The following HHAT variants were observed in gnomAD, a reference collection of about 807,000 sequenced individuals.
HHAT encodes protein-cysteine N-palmitoyltransferase HHAT.
In HHAT, 47 loss-of-function variants were observed where a neutral mutation model predicts 70.8. The ratio of observed to expected loss-of-function variants is 0.66; its 90% CI spans 0.53 to 0.85. HHAT has a LOEUF of 0.85. Ranked by LOEUF, HHAT falls within the 40% of genes least tolerant of loss-of-function variation. The pLI is 0.00. For synonymous variants in HHAT, 228 were observed against 247.6 expected (o/e 0.92, Z 0.74); for missense variants, 609 against 604.8 (o/e 1.01, Z -0.07).
chr1:210,567,998 G>GTGGC (rs1655186414), intron 9 of HHAT, among the ~76,000 whole-genome samples: 1 of 152,206 alleles, frequency 6.6e-6, no homozygotes, highest in South Asian at 2.1e-4. Flanking sequence ...GAGTTGACTG[G>GTGGC]TGGCTGGCAG....
At chr1:210,481,426 A>G (rs1325386359) in intron 8 of HHAT, among the ~76,000 whole-genome samples, 3 of 152,160 alleles carry the variant, frequency 2.0e-5, no homozygotes, top group Non-Finnish European at 2.9e-5. Flanking sequence ...TGTTTTCTCC[A>G]TAAGGCTCAT....
At chr1:210,621,489 C>A (rs1668820308) in intron 10 of HHAT, among the ~76,000 whole-genome samples, 1 of 152,204 alleles carries the variant, frequency 6.6e-6, no homozygotes, top group Admixed American at 6.5e-5. Context: ...TGTCTCCCAA[C>A]TTCCTCTCAC....
intron 11 of HHAT, among the ~76,000 whole-genome samples, chr1:210,631,675 G>T (rs1670893039): frequency 6.6e-6 from 1 of 152,084 alleles, no homozygotes; most frequent in Non-Finnish European, 1.5e-5. Context: ...AGAGCTGAGG[G>T]CCTGTGACTG....
intron 3 of HHAT, among the ~76,000 whole-genome samples, chr1:210,379,180 G>A (rs2090448804): frequency 6.6e-6 from 1 of 152,190 alleles, no homozygotes; most frequent in African/African-American, 2.4e-5. Context: ...TGAACTGACT[G>A]GACCCCAGAA....
intron 9 of HHAT, among the ~76,000 whole-genome samples, chr1:210,575,507 CCCT>C (rs1251554178): frequency 6.6e-6 from 1 of 152,050 alleles, no homozygotes; most frequent in Non-Finnish European, 1.5e-5. Context: ...GGCCTGGGAG[CCCT>C]GGGGATGCTG....
At chr1:210,518,014 G>T (rs1214328325) in intron 9 of HHAT, among the ~76,000 whole-genome samples, 2 of 152,066 alleles carry the variant, frequency 1.3e-5, no homozygotes, top group Admixed American at 1.3e-4. Flanking sequence ...TTGACGTTTT[G>T]ATGTATCTAT....
At chr1:210,382,254 G>A (rs190622787) in intron 3 of HHAT, among the ~76,000 whole-genome samples, 3 of 152,212 alleles carry the variant, frequency 2.0e-5, no homozygotes, top group Admixed American at 6.5e-5. Flanking sequence ...TTCTCCACGG[G>A]TGGGTGACAA....
At chr1:210,462,474 A>G (rs1469886878) in intron 7 of HHAT, 1 of 152,196 alleles carries the variant, frequency 6.6e-6, no homozygotes, top group Non-Finnish European at 1.5e-5. Flanking sequence ...GAGTGATCAC[A>G]TGCCCTTCAA....
chr1:210,530,262 C>T (rs1029519057), intron 9 of HHAT, among the ~76,000 whole-genome samples: 18 of 151,984 alleles, frequency 1.2e-4, no homozygotes, highest in Admixed American at 1.0e-3. Context: ...GATCTTAGCA[C>T]ATTTGAAATG....
intron 8 of HHAT, among the ~76,000 whole-genome samples, chr1:210,473,122 A>G (rs1446165444): frequency 1.3e-5 from 2 of 152,236 alleles, no homozygotes; most frequent in African/African-American, 4.8e-5. Context: ...TTCCCCTGCA[A>G]GAGACAGCTT....
chr1:210,509,814 C>T (rs2094924636), intron 8 of HHAT, among the ~76,000 whole-genome samples: 1 of 152,176 alleles, frequency 6.6e-6, no homozygotes, highest in South Asian at 2.1e-4. Context: ...TAAATTAAAG[C>T]TTGTGTATAT....
intron 3 of HHAT, among the ~76,000 whole-genome samples, chr1:210,383,903 T>G (rs1196296579): frequency 2.6e-5 from 4 of 152,202 alleles, no homozygotes; most frequent in Non-Finnish European, 5.9e-5. Flanking sequence ...CACTGACATA[T>G]GAAGTTGAGT....
Position 210,447,390 on chromosome 1 carries a change from A to G in HHAT, c.857-17115A>G, listed in dbSNP as rs76297491. On this transcript the variant is annotated intron_variant, in intron 7 of 11. Coordinates refer to ENST00000261458, the MANE Select transcript of HHAT (RefSeq NM_018194.6). ...AGGGAAAATACAGCCCACTACAGAG[A>G]GAAGACTTTTATATCAGTGCACGAT... 1.2e-3 allele frequency among the ~76,000 whole-genome samples: 182 copies of G among 152,292 alleles called. 1 individual carries two copies. The highest frequency in any genetic ancestry group is 4.0e-3 in the African/African-American group (167 of 41,574).
intron 1 of HHAT, among the ~76,000 whole-genome samples, chr1:210,339,429 T>TCTC (rs3033359): frequency 0.62 from 94,733 of 151,636 alleles, 31,752 homozygotes; most frequent in African/African-American, 0.88. Flanking sequence ...TGGTCTGTTT[T>TCTC]CTCCTCCTTG....
At chr1:210,383,246 A>G (rs529111447) in intron 3 of HHAT, among the ~76,000 whole-genome samples, 1 of 152,308 alleles carries the variant, frequency 6.6e-6, no homozygotes, top group South Asian at 2.1e-4. Context: ...AGGCTGAGGC[A>G]CGAGAATCAC....
chr1:210,623,469 T>C, intron 10 of HHAT, 57 bp from the exon 11 acceptor site: 1 of 1,604,382 alleles, frequency 6.2e-7, no homozygotes, highest in South Asian at 1.1e-5. Flanking sequence ...GGATGGTATC[T>C]TAGCCCCATT....
intron 3 of HHAT, among the ~76,000 whole-genome samples, chr1:210,385,252 CTTTTTTTTTT>C: frequency 7.2e-6 from 1 of 138,918 alleles, no homozygotes; most frequent in Non-Finnish European, 1.5e-5. Flanking sequence ...ATATGTTTTT[CTTTTTTTTTT>C]TTTTTCTTTT....
chr1:210,376,943 T>C (rs557042269), intron 3 of HHAT, among the ~76,000 whole-genome samples: 23 of 152,344 alleles, frequency 1.5e-4, no homozygotes, highest in African/African-American at 5.5e-4. Flanking sequence ...CCTTCTGCCC[T>C]GGGGGCCTCC....
At chr1:210,653,190 T>C (rs1004968668) in intron 11 of HHAT, among the ~76,000 whole-genome samples, 30 of 152,130 alleles carry the variant, frequency 2.0e-4, no homozygotes, top group African/African-American at 6.7e-4. Flanking sequence ...CCTTAAAAAA[T>C]AGGAAGGAAC....
Sources: allele counts gnomAD v4.1 joint callset (sites outside exome capture counted in the v4.1 genomes callset), GRCh38; gene constraint gnomAD v4.1.1; transcripts MANE v1.5; gene names NCBI Gene and HGNC (gene_info 2026-07-23, HGNC 2026-07-21).